CSMD1: variants seen among roughly 807,000 people sequenced by gnomAD.
The protein encoded by CSMD1 is CUB and sushi domain-containing protein 1.
A neutral mutation model predicts 417.5 loss-of-function variants in CSMD1; 213 were observed. That is an observed-to-expected ratio of 0.51 (90% CI 0.46 to 0.57). CSMD1 has a LOEUF of 0.57. Among genes scored for constraint, CSMD1 ranks in the 20% least tolerant of loss-of-function variants. The pLI is 0.00. For missense variants in CSMD1, 6,923 were observed against 4,529.7 expected (o/e 1.53, Z -15.17); for synonymous variants, 2,862 against 1,736.8 (o/e 1.65, Z -16.11).
chr8:3,662,094 C>T (rs780590917), intron 7 of CSMD1, among the ~76,000 whole-genome samples: 1 of 152,076 alleles, frequency 6.6e-6, no homozygotes, highest in Non-Finnish European at 1.5e-5. Context: ...AAGGAGCATG[C>T]TTAAAGGGAC....
At chr8:4,837,752 T>A (rs1199069341) in intron 1 of CSMD1, among the ~76,000 whole-genome samples, 5 of 151,516 alleles carry the variant, frequency 3.3e-5, no homozygotes, top group Non-Finnish European at 7.4e-5. Context: ...TAACAAAGAG[T>A]ATAACTACAT....
At chr8:4,851,539 G>C (rs1389216486) in intron 1 of CSMD1, among the ~76,000 whole-genome samples, 1 of 151,862 alleles carries the variant, frequency 6.6e-6, no homozygotes, top group Non-Finnish European at 1.5e-5. Context: ...GGTTGAGGTA[G>C]TCTACCCCCA....
chr8:4,115,826 C>T (rs1802104982), intron 3 of CSMD1, among the ~76,000 whole-genome samples: 1 of 151,708 alleles, frequency 6.6e-6, no homozygotes. Context: ...AAAAAAAAAG[C>T]CAATCTGAAA....
chr8:3,533,573 C>T (rs915086011), intron 10 of CSMD1, among the ~76,000 whole-genome samples: 1 of 152,166 alleles, frequency 6.6e-6, no homozygotes, highest in African/African-American at 2.4e-5. Flanking sequence ...TCACACACTG[C>T]TGTTGAATGA....
chr8:3,262,184 A>AAAATATATATATAT (rs1420684024), intron 26 of CSMD1, among the ~76,000 whole-genome samples: 3 of 63,172 alleles, frequency 4.7e-5, no homozygotes, highest in Non-Finnish European at 8.8e-5. Flanking sequence ...TGCTCATATG[A>AAAATATATATATAT]ATATATATAT....
chr8:3,990,236 T>G (rs1030112695), intron 5 of CSMD1, among the ~76,000 whole-genome samples: 7 of 152,222 alleles, frequency 4.6e-5, no homozygotes, highest in African/African-American at 1.7e-4. Flanking sequence ...ATGAAATACA[T>G]TTTAATCCAT....
chr8:4,610,388 G>A (rs1309961538), intron 2 of CSMD1, among the ~76,000 whole-genome samples: 2 of 152,142 alleles, frequency 1.3e-5, no homozygotes, highest in African/African-American at 4.8e-5. Flanking sequence ...ATGACACCAT[G>A]CAGAAAGTTT....
intron 3 of CSMD1, among the ~76,000 whole-genome samples, chr8:4,244,040 T>G (rs1334522293): frequency 1.3e-5 from 2 of 152,162 alleles, no homozygotes; most frequent in Middle Eastern, 6.3e-3. Flanking sequence ...CTGCAGGCTC[T>G]TTGTTTTTAT....
intron 7 of CSMD1, among the ~76,000 whole-genome samples, chr8:3,675,614 C>G (rs112048045): frequency 0.018 from 2,712 of 152,144 alleles, 44 homozygotes; most frequent in African/African-American, 0.048. Context: ...GATTAGCACC[C>G]TTATAAGGAA....
rs1811132176 is a variant in CSMD1, at chr8:3,945,127, A to G, written c.818+52776T>C. On this transcript the variant is annotated intron_variant, in intron 5 of 69. Coordinates refer to ENST00000635120, the MANE Select transcript of CSMD1 (RefSeq NM_033225.6). Reference sequence around the variant, plus strand: ...ATAATTATAAAATTAAGCCTTTGTAAGTGATACACAATTTGAACAATGATT... The same window carrying G: ...ATAATTATAAAATTAAGCCTTTGTAGGTGATACACAATTTGAACAATGATT... 2.7e-5 allele frequency among the ~76,000 whole-genome samples: 4 copies of G among 150,264 alleles called. No individual in the cohort carries two copies. In the South Asian group the frequency reaches 8.4e-4, roughly 32 times the overall value.
intron 1 of CSMD1, among the ~76,000 whole-genome samples, chr8:4,936,949 A>G (rs1484149068): frequency 1.3e-5 from 2 of 152,096 alleles, no homozygotes; most frequent in Non-Finnish European, 2.9e-5. Flanking sequence ...GGTGGCTCAT[A>G]CCTATAACCC....
intron 7 of CSMD1, among the ~76,000 whole-genome samples, chr8:3,698,723 G>C (rs1201308094): frequency 6.6e-6 from 1 of 152,212 alleles, no homozygotes; most frequent in East Asian, 1.9e-4. Context: ...GTTTCTCACA[G>C]ATGAGTAAAG....
chr8:4,503,418 G>C (rs1802360252), intron 2 of CSMD1, among the ~76,000 whole-genome samples: 1 of 151,972 alleles, frequency 6.6e-6, no homozygotes, highest in Admixed American at 6.6e-5. Context: ...AATAAGTCGA[G>C]AAAATACATT....
intron 3 of CSMD1, among the ~76,000 whole-genome samples, chr8:4,097,508 CTT>C (rs921511289): frequency 5.3e-5 from 8 of 152,166 alleles, no homozygotes; most frequent in Non-Finnish European, 1.0e-4. Context: ...CTTTGAATGT[CTT>C]GTTGCCCCTG....
chr8:3,794,101 G>A (rs926734944), intron 5 of CSMD1, among the ~76,000 whole-genome samples: 37 of 152,100 alleles, frequency 2.4e-4, no homozygotes, highest in African/African-American at 8.9e-4. Context: ...AAAATGCAGG[G>A]TCGCAGGCAC....
At chr8:3,661,573 G>A (rs565884175) in intron 7 of CSMD1, among the ~76,000 whole-genome samples, 3 of 151,794 alleles carry the variant, frequency 2.0e-5, no homozygotes, top group East Asian at 1.9e-4. Flanking sequence ...CTCGGCTCAC[G>A]GAAACCTCCA....
chr8:4,247,969 T>C (rs1317548056), intron 3 of CSMD1, among the ~76,000 whole-genome samples: 2 of 152,182 alleles, frequency 1.3e-5, no homozygotes, highest in African/African-American at 2.4e-5. Context: ...CTTTTGGAAA[T>C]TGCTTCAACC....
chr8:3,416,068 G>A (rs1443421719), intron 12 of CSMD1, among the ~76,000 whole-genome samples: 1 of 152,088 alleles, frequency 6.6e-6, no homozygotes, highest in Admixed American at 6.6e-5. Context: ...TTGGGAGGCG[G>A]AGACAGGTGG....
chr8:4,147,039 C>T (rs1804180146), intron 3 of CSMD1, among the ~76,000 whole-genome samples: 1 of 151,948 alleles, frequency 6.6e-6, no homozygotes, highest in Admixed American at 6.6e-5. Context: ...CGGGGGTTTT[C>T]TGGGCTTTTC....
Sources: allele counts gnomAD v4.1 joint callset (sites outside exome capture counted in the v4.1 genomes callset), GRCh38; gene constraint gnomAD v4.1.1; transcripts MANE v1.5; gene names NCBI Gene and HGNC (gene_info 2026-07-23, HGNC 2026-07-21).